AP2S1: variants seen among roughly 807,000 people sequenced by gnomAD.
AP2S1 encodes AP-2 complex subunit sigma.
A neutral mutation model predicts 21.0 loss-of-function variants in AP2S1; 6 were observed. The observed-to-expected ratio is 0.29, with a 90% CI of 0.16 to 0.56. AP2S1 has a LOEUF of 0.56. Among genes scored for constraint, AP2S1 ranks in the 20% least tolerant of loss-of-function variants. The pLI is 0.92. For synonymous variants in AP2S1, 63 were observed against 74.6 expected, an observed-to-expected ratio of 0.84 and a Z score of 0.80; for missense variants, 60 against 186.2, an observed-to-expected ratio of 0.32 and a Z score of 3.95.
At chr19:46,840,459 G>A (rs1165554849) in intron 2 of AP2S1, among the ~76,000 whole-genome samples, 2 of 151,608 alleles carry the variant, frequency 1.3e-5, no homozygotes, top group African/African-American at 2.4e-5. Flanking sequence ...TGGGCAACAT[G>A]GTGAAACCCC....
intron 1 of AP2S1, chr19:46,850,034 C>T: frequency 9.7e-7 from 1 of 1,027,630 alleles, no homozygotes; most frequent in Non-Finnish European, 1.2e-6. Context: ...GATTCCTCCC[C>T]AGGTCTCACA....
intron 2 of AP2S1, among the ~76,000 whole-genome samples, chr19:46,842,727 C>A (rs2055546242): frequency 6.6e-6 from 1 of 152,192 alleles, no homozygotes. Context: ...TCCTCTCCCC[C>A]TTCCCACCTG....
At chr19:46,839,430 C>A in intron 3 of AP2S1, 35 bp downstream of exon 3, 2 of 1,470,970 alleles carry the variant, frequency 1.4e-6, no homozygotes, top group Non-Finnish European at 1.9e-6. Flanking sequence ...GGCTGCCCAC[C>A]CGCCTCCCCA....
rs369337134 is a variant in AP2S1, at chr19:46,847,613, C to T, written c.4-1471G>A. Among the ~76,000 whole-genome samples the T allele has an allele frequency of 1.2e-4, 19 of 152,230 alleles. No individual in the cohort carries two copies. In the South Asian group the frequency reaches 2.7e-3, roughly 22 times the overall value. ...CCATTAGCAGTCACTCTCCGTTCCC[C>T]CAGGGCCTGGCAGCCACGAGTCTCC... On this transcript the variant is annotated intron_variant, in intron 1 of 4. Transcript: ENST00000263270.
intron 1 of AP2S1, among the ~76,000 whole-genome samples, chr19:46,848,719 T>C (rs2055679306): frequency 6.6e-6 from 1 of 152,116 alleles, no homozygotes; most frequent in Admixed American, 6.6e-5. Flanking sequence ...GTCTTTTTCT[T>C]TTCTTTTTTG....
intron 2 of AP2S1, 57 bp from the exon 3 acceptor site, chr19:46,839,635 A>G (rs1456257885): frequency 6.2e-7 from 1 of 1,612,210 alleles, no homozygotes; most frequent in African/African-American, 1.3e-5. Flanking sequence ...CGTGCCAGAC[A>G]GAGTGGGGCC....
At position 46,845,442 on chromosome 19, in the gene AP2S1, TC is replaced by T. The variant is rs201252890; in HGVS notation, c.153+550del. Reference sequence around the variant, plus strand: ...TTAATTAATTAATTAATTAATTAATTCAATTCAATCAAATAAAAAATAAAGA... The same window carrying T: ...TTAATTAATTAATTAATTAATTAATTAATTCAATCAAATAAAAAATAAAGA... On this transcript the variant is annotated intron_variant, in intron 2 of 4. Coordinates refer to ENST00000263270, the MANE Select transcript of AP2S1 (RefSeq NM_004069.6). 1.9e-3 allele frequency among the ~76,000 whole-genome samples: 250 copies of T among 133,268 alleles called. 1 individual carries two copies. The South Asian group carries it at 0.029, about 15-fold the overall frequency. The allele number at this position is 133,268 out of a possible 152,430, so 87.4% of individuals were successfully genotyped here.
At chr19:46,839,424 G>GGGGC in intron 3 of AP2S1, 41 bp downstream of exon 3, 2 of 1,504,482 alleles carry the variant, frequency 1.3e-6, no homozygotes, top group Non-Finnish European at 1.8e-6. Flanking sequence ...CTCCAGGGCT[G>GGGGC]CCCACCCGCC....
chr19:46,839,776 G>A, intron 2 of AP2S1, 198 bp from the exon 3 acceptor site: 1 of 867,252 alleles, frequency 1.2e-6, no homozygotes, highest in South Asian at 1.8e-5. Context: ...GGCATCCCCA[G>A]AATGGACAGG....
At chr19:46,839,929 G>A (rs993493940) in intron 2 of AP2S1, among the ~76,000 whole-genome samples, 1 of 152,216 alleles carries the variant, frequency 6.6e-6, no homozygotes, top group African/African-American at 2.4e-5. Context: ...GCCCGGGGCT[G>A]GGCGGGAGCC....
At chr19:46,843,871 G>A (rs1193539153) in intron 2 of AP2S1, among the ~76,000 whole-genome samples, 1 of 152,156 alleles carries the variant, frequency 6.6e-6, no homozygotes, top group Non-Finnish European at 1.5e-5. Flanking sequence ...CTGGGAGACA[G>A]AGCAAGACCG....
At chr19:46,844,231 T>C (rs946284817) in intron 2 of AP2S1, among the ~76,000 whole-genome samples, 10 of 151,922 alleles carry the variant, frequency 6.6e-5, no homozygotes, top group African/African-American at 2.4e-4. Flanking sequence ...ACGGCTCCCA[T>C]CTGACTCATA....
rs1204306657 is a variant in AP2S1 at position 46,838,918 on chromosome 19, GGAGA to G, written c.268-123_268-120del. The G allele has an allele frequency of 1.7e-5, 14 of 822,784 alleles. No homozygotes were observed. Among genetic ancestry groups the G allele is most frequent in the Non-Finnish European group, 2.4e-5 (12 of 500,120 alleles). 51.0% of individuals were successfully genotyped at this position (822,784 alleles called of 1,614,324 possible). ...AAAAAGAGACCAAGGGGGAGGCAGG[GGAGA>G]GAGAGAGACAGTGACAGGGAGAGAG... On this transcript the variant is annotated intron_variant, in intron 3 of 4. Transcript: ENST00000263270. This position sits in a 1 kb window ranked among gnomAD's most constrained non-coding sequence, Gnocchi z 4.1.
intron 1 of AP2S1, among the ~76,000 whole-genome samples, chr19:46,849,691 C>A (rs1039583719): frequency 6.6e-6 from 1 of 152,040 alleles, no homozygotes; most frequent in Admixed American, 6.6e-5. Context: ...TCTAGATGCC[C>A]CCCAACCTTC....
intron 2 of AP2S1, among the ~76,000 whole-genome samples, chr19:46,843,205 G>C (rs1712949133): frequency 6.6e-6 from 1 of 152,010 alleles, no homozygotes; most frequent in African/African-American, 2.4e-5. Context: ...CATTCAGCTG[G>C]GTCCACCTCC....
At chr19:46,845,640 A>C (rs192269143) in intron 2 of AP2S1, 52 of 170,370 alleles carry the variant, frequency 3.1e-4, no homozygotes, top group Non-Finnish European at 5.2e-4. Context: ...ACGCACCAGC[A>C]AAAAAAATTT....
At chr19:46,850,639 C>A in intron 1 of AP2S1, 125 bp downstream of exon 1, 1 of 943,556 alleles carries the variant, frequency 1.1e-6, no homozygotes, top group South Asian at 1.4e-5. Context: ...TCCCAATCCC[C>A]AGAGCCCGCG....
rs143686323 is a variant in AP2S1, at chr19:46,843,943, T to C, written c.153+2050A>G. ...TCTTTTTTTTTTGAGAGGAGTCTTG[T>C]TCTGTTGCCCAGGCTGGAGTGCAAT... On this transcript the variant is annotated intron_variant, in intron 2 of 4. Coordinates refer to ENST00000263270, the MANE Select transcript of AP2S1 (RefSeq NM_004069.6). 3.5e-3 allele frequency among the ~76,000 whole-genome samples: 532 copies of C among 151,986 alleles called. 3 individuals carry two copies. The highest frequency in any genetic ancestry group is 0.012 in the African/African-American group (503 of 41,478).
At chr19:46,841,934 A>G (rs772086912) in intron 2 of AP2S1, among the ~76,000 whole-genome samples, 7 of 152,184 alleles carry the variant, frequency 4.6e-5, no homozygotes, top group East Asian at 1.9e-4. Context: ...CCTCATGCCT[A>G]TCATCCCAGC....
Sources: gnomAD v4.1 joint callset for allele counts (sites outside exome capture counted in the v4.1 genomes callset) on GRCh38, gnomAD v4.1.1 for gene constraint, Gnocchi (gnomAD v3.1) non-coding constraint, MANE v1.5 for transcripts, NCBI Gene and HGNC (gene_info 2026-07-23, HGNC 2026-07-21) for gene names.